The following SNX29 variants were observed in gnomAD, a reference collection of about 807,000 sequenced individuals.
The protein encoded by SNX29 is sorting nexin 29, also known as sorting nexin-29.
Under a neutral mutation model 102.1 loss-of-function variants are expected in SNX29, and 78 were observed. The observed-to-expected ratio is 0.76, with a 90% CI of 0.64 to 0.92. The LOEUF is 0.92. Among genes scored for constraint, SNX29 ranks in the 40% least tolerant of loss-of-function variants. SNX29 has a pLI of 0.00. For synonymous variants in SNX29, 580 were observed against 414.5 expected, an observed-to-expected ratio of 1.40 and a Z score of -4.85; for missense variants, 1,280 against 1,061.7, an observed-to-expected ratio of 1.21 and a Z score of -2.86.
chr16:12,481,489 T>C (rs1455900032), intron 19 of SNX29, among the ~76,000 whole-genome samples: 6 of 148,250 alleles, frequency 4.0e-5, no homozygotes, highest in Admixed American at 6.8e-5. Flanking sequence ...CACATATATA[T>C]ACACATATGT....
At chr16:12,010,615 C>G (rs1179749056) in intron 3 of SNX29, among the ~76,000 whole-genome samples, 1 of 152,086 alleles carries the variant, frequency 6.6e-6, no homozygotes, top group Non-Finnish European at 1.5e-5. Context: ...GATGTGAGAC[C>G]TCGTCTCAAA....
At chr16:12,438,633 A>G (rs1026762568) in intron 18 of SNX29, among the ~76,000 whole-genome samples, 1 of 152,268 alleles carries the variant, frequency 6.6e-6, no homozygotes, top group Non-Finnish European at 1.5e-5. Context: ...AAGGATAGCC[A>G]GACTCACAGA....
chr16:12,535,871 C>G (rs948623765), intron 20 of SNX29, among the ~76,000 whole-genome samples: 3 of 152,132 alleles, frequency 2.0e-5, no homozygotes, highest in Admixed American at 6.5e-5. Flanking sequence ...TTGGTGCTGT[C>G]CAAGGTCCTA....
intron 15 of SNX29, among the ~76,000 whole-genome samples, chr16:12,322,668 G>C (rs112187789): frequency 1.9e-3 from 288 of 152,126 alleles, no homozygotes; most frequent in African/African-American, 6.6e-3. Context: ...GCAGTCACTG[G>C]GGACTACCAT....
intron 15 of SNX29, among the ~76,000 whole-genome samples, chr16:12,280,233 C>G (rs1356343153): frequency 5.3e-5 from 8 of 152,222 alleles, no homozygotes; most frequent in Admixed American, 4.6e-4. Context: ...AAAGGAGACT[C>G]ACGGGTCGGG....
At chr16:12,126,811 G>A (rs2054231936) in intron 12 of SNX29, 115 bp downstream of exon 12, 2 of 1,101,564 alleles carry the variant, frequency 1.8e-6, no homozygotes, top group East Asian at 5.2e-5. Context: ...ATTGTGACTG[G>A]CTATTTCTTA....
chr16:12,075,285 C>G (rs1379141489), intron 10 of SNX29, among the ~76,000 whole-genome samples: 2 of 152,158 alleles, frequency 1.3e-5, no homozygotes, highest in Admixed American at 6.6e-5. Context: ...TTTTCCCCAT[C>G]TTTGTGGTTT....
rs1287941510 is a variant in SNX29 at position 12,400,220 on chromosome 16, C to T, written c.1955+1719C>T. Among the ~76,000 whole-genome samples the T allele has an allele frequency of 3.3e-5, 5 of 152,222 alleles. No homozygotes were observed. In the East Asian group the frequency reaches 7.7e-4, roughly 23 times the overall value. On this transcript the variant is annotated intron_variant, in intron 17 of 20. Coordinates refer to ENST00000566228, the MANE Select transcript of SNX29 (RefSeq NM_032167.5). ...GTGGAGCTTACGAAGAAGGCCCTCA[C>T]TCACCTCTGGCTTCGTTCCCAGCCT...
rs116015220 is a variant in SNX29 at position 12,266,089 on chromosome 16, T to G, written c.1679-11844T>G. On this transcript the variant is annotated intron_variant, in intron 14 of 20. Transcript: ENST00000566228. ...TAGGGAAAAACAAATTGTGTTTTTCTTTTTTCTTTTTTTAAGATAGAGACA... is the reference window on the plus strand; with the variant it reads ...TAGGGAAAAACAAATTGTGTTTTTCGTTTTTCTTTTTTTAAGATAGAGACA... 5.2e-3 allele frequency among the ~76,000 whole-genome samples: 790 copies of G among 152,252 alleles called. 7 individuals are homozygous for G. Among genetic ancestry groups the G allele is most frequent in the African/African-American group, 0.017 (720 of 41,528 alleles).
chr16:12,074,859 C>T (rs7195019), intron 10 of SNX29, among the ~76,000 whole-genome samples: 33,876 of 151,988 alleles, frequency 0.22, 4,010 homozygotes, highest in South Asian at 0.36. Flanking sequence ...AGGCTTTGTT[C>T]GTTTCTTTTT....
chr16:12,508,887 G>A (rs538420033), intron 19 of SNX29, among the ~76,000 whole-genome samples: 4 of 152,190 alleles, frequency 2.6e-5, no homozygotes, highest in African/African-American at 9.6e-5. Flanking sequence ...GAAAGAACAT[G>A]GCCCTGGAGT....
intron 14 of SNX29, among the ~76,000 whole-genome samples, chr16:12,265,407 G>A (rs374195928): frequency 5.9e-5 from 9 of 152,248 alleles, no homozygotes; most frequent in East Asian, 1.9e-4. Flanking sequence ...TGTCCCCGTG[G>A]ATGCGTTATA....
chr16:12,541,174 C>G (rs1424990228), intron 20 of SNX29, among the ~76,000 whole-genome samples: 2 of 152,152 alleles, frequency 1.3e-5, no homozygotes, highest in Non-Finnish European at 2.9e-5. Context: ...GGAACCTCTT[C>G]CTCAGTATTG....
intron 14 of SNX29, among the ~76,000 whole-genome samples, chr16:12,235,638 CAAAAT>C (rs1043013679): frequency 1.3e-5 from 2 of 151,638 alleles, no homozygotes; most frequent in African/African-American, 4.9e-5. Context: ...TAGCAAGACT[CAAAAT>C]AACACAGAGG....
chr16:12,260,717 G>C lies in SNX29; in HGVS notation c.1679-17216G>C, dbSNP rs148370382. On this transcript the variant is annotated intron_variant, in intron 14 of 20. Transcript: ENST00000566228. ...GCACGCGTCCCCGGCTGGAGTGAGT[G>C]AGTGTTGAGCTCAGGTCAGTTCACA... Among the ~76,000 whole-genome samples, 15 of 151,184 alleles carry C rather than the reference G, an allele frequency of 9.9e-5. No individual in the cohort carries two copies. In the East Asian group the frequency reaches 2.9e-3, roughly 30 times the overall value.
chr16:12,525,304 A>G lies in SNX29; in HGVS notation c.2318+463A>G, dbSNP rs371131745. 6.5e-4 allele frequency among the ~76,000 whole-genome samples: 99 copies of G among 151,964 alleles called. 1 individual carries two copies. The highest frequency in any genetic ancestry group is 2.2e-3 in the African/African-American group (90 of 41,404). ...AAAAATGAACATTAATATTATTTAA[A>G]TGCCTTCTTCTCTCTTGAAAAAAGT... is the stretch of plus-strand genomic sequence containing the variant. On this transcript the variant is annotated intron_variant, in intron 20 of 20. Transcript: ENST00000566228.
chr16:12,310,263 T>C lies in SNX29; in HGVS notation c.1782+32227T>C, dbSNP rs1322363569. Among the ~76,000 whole-genome samples, 3 of 152,188 alleles carry C rather than the reference T, an allele frequency of 2.0e-5. No individual in the cohort carries two copies. In the East Asian group the frequency reaches 5.8e-4, roughly 29 times the overall value. ...ATGCTACTTGACCCTGAAAAAAGGATGTAACAATGAGATAATACTCCAGCT... is the reference window on the plus strand; with the variant it reads ...ATGCTACTTGACCCTGAAAAAAGGACGTAACAATGAGATAATACTCCAGCT... On this transcript the variant is annotated intron_variant, in intron 15 of 20. Transcript: ENST00000566228.
At chr16:12,061,718 T>C (rs2050783660) in intron 9 of SNX29, 72 bp downstream of exon 9, 1 of 1,351,746 alleles carries the variant, frequency 7.4e-7, no homozygotes, top group Admixed American at 2.0e-5. Context: ...AATGTCTGAG[T>C]TCCCTGGACA....
intron 15 of SNX29, among the ~76,000 whole-genome samples, chr16:12,279,178 A>G (rs1367358741): frequency 2.0e-5 from 3 of 152,192 alleles, no homozygotes; most frequent in African/African-American, 4.8e-5. Flanking sequence ...AATCTTCTAC[A>G]GTGAGTTTTA....
Sources: allele counts gnomAD v4.1 joint callset (sites outside exome capture counted in the v4.1 genomes callset), GRCh38; gene constraint gnomAD v4.1.1; transcripts MANE v1.5; gene names NCBI Gene and HGNC (gene_info 2026-07-23, HGNC 2026-07-21).